The following RPLP1 variants were observed in gnomAD, a reference collection of about 807,000 sequenced individuals.
RPLP1 encodes the protein ribosomal protein lateral stalk subunit P1.
A neutral mutation model predicts 11.6 loss-of-function variants in RPLP1; 4 were observed. The observed-to-expected ratio is 0.34, with a 90% CI of 0.17 to 0.79. RPLP1 has a LOEUF of 0.79. RPLP1 is among the 30% of genes least tolerant of loss of function. The pLI is 0.55. For synonymous variants in RPLP1, 54 were observed against 52.2 expected (o/e 1.03, Z -0.15); for missense variants, 133 against 142.8 (o/e 0.93, Z 0.35).
chr15:69,455,468 G>T lies in RPLP1; in HGVS notation c.306G>T (p.Glu102Asp). 6.2e-7 allele frequency: 1 copy of T among 1,610,998 alleles called. No homozygotes were observed. Residue 102 changes from glutamate (E) to aspartate (D), a missense_variant, in exon 4 of 4, where the codon GAG (glutamate) becomes GAT (aspartate). Transcript: ENST00000260379. ...TGGAAGCAAAGAAAGAAGAATCCGA[G>T]GAGTCTGATGATGACATGGGCTTTG... is the stretch of plus-strand genomic sequence containing the variant. ...KKVEAKKEES[E>D]ESDDDMGFGL...
At chr15:69,453,244 G>C in intron 1 of RPLP1, 1 of 589,492 alleles carries the variant, frequency 1.7e-6, no homozygotes, top group East Asian at 2.9e-5. Flanking sequence ...GAGTGCGCTT[G>C]AGGCTGGGCG....
chr15:69,454,896 T>G (rs1892411481), intron 2 of RPLP1: 1 of 254,502 alleles, frequency 3.9e-6, no homozygotes, highest in Admixed American at 5.4e-5. Context: ...TCCAGGACCT[T>G]CCACTAATAA....
rs1035396938 is a variant in RPLP1 at position 69,453,130 on chromosome 15, A to G, written c.72+110A>G. On this transcript the variant is annotated intron_variant, in intron 1 of 3. Transcript: ENST00000260379. ...CGACTGAGCACTTCCGGCCGGGGCC[A>G]GGCCGCGAACACAGGCCGCATAGGG... 663 of 1,056,014 alleles carry G rather than the reference A, an allele frequency of 6.3e-4. 1 individual carries two copies. Among genetic ancestry groups the G allele is most frequent in the Admixed American group, 1.7e-3 (85 of 49,158 alleles). 65.4% of individuals were successfully genotyped at this position (1,056,014 alleles called of 1,614,324 possible).
rs1371853127 is a variant in RPLP1 at position 69,454,443 on chromosome 15, T to A, written c.147+722T>A. On this transcript the variant is annotated intron_variant, in intron 2 of 3. Coordinates refer to ENST00000260379, the MANE Select transcript of RPLP1 (RefSeq NM_001003.3). ...TACTGTGTGTTGGGATATAAAAGAC[T>A]AATAAAGAGGTTCCTGGTCATGGAG... The A allele has an allele frequency of 1.3e-5, 2 of 152,236 alleles. 1 individual carries two copies. Among genetic ancestry groups the A allele is most frequent in the Non-Finnish European group, 2.9e-5 (2 of 68,068 alleles). 9.4% of individuals were successfully genotyped at this position (152,236 alleles called of 1,614,324 possible). A position where few individuals can be genotyped will look rare whatever the true frequency, so the allele number is the denominator to read the frequency against.
At chr15:69,453,377 C>T (rs374183293) in intron 1 of RPLP1, 4 of 581,574 alleles carry the variant, frequency 6.9e-6, no homozygotes, top group South Asian at 6.3e-5. Flanking sequence ...CCTTGAATTC[C>T]CCCGGTCGTG....
chr15:69,455,101 T>G (rs1340417077), intron 2 of RPLP1, 69 bp from the exon 3 acceptor site: 3 of 1,498,316 alleles, frequency 2.0e-6, no homozygotes, highest in African/African-American at 2.8e-5. Flanking sequence ...ATACTTTTCG[T>G]TTTTGGCTGC....
Position 69,453,623 on chromosome 15 carries a change from G to T in RPLP1, c.73-24G>T, listed in dbSNP as rs1294589357. On this transcript the variant is annotated intron_variant, in intron 1 of 3. Transcript: ENST00000260379. Reference sequence around the variant, plus strand: ...ATATTACATACGCTACGTTTTGATGGATTGACGTTTTTATTTGTTGTAGGA... The same window carrying T: ...ATATTACATACGCTACGTTTTGATGTATTGACGTTTTTATTTGTTGTAGGA... 2.5e-6 allele frequency: 4 copies of T among 1,612,882 alleles called. No individual in the cohort carries two copies. In the African/African-American group the frequency reaches 5.3e-5, roughly 22 times the overall value.
chr15:69,455,136 T>G (rs772283737), intron 2 of RPLP1, 34 bp from the exon 3 acceptor site: 3 of 1,531,142 alleles, frequency 2.0e-6, no homozygotes, highest in Non-Finnish European at 2.6e-6. Flanking sequence ...AGGACAGAAC[T>G]GGGCGTTTAC....
rs1892366726 is a variant in RPLP1 at position 69,452,852 on chromosome 15, CT to C, written c.-95del. ...TCAGCTGCCGCCAAGGTGCTCGGTC[CT>C]TCCGAGGAAGCTAAGGCTGCGTTGG... On this transcript the variant is annotated 5_prime_UTR_variant, in exon 1 of 4. Coordinates refer to ENST00000260379, the MANE Select transcript of RPLP1 (RefSeq NM_001003.3). 8.5e-7 allele frequency: 1 copy of C among 1,175,900 alleles called. No individual in the cohort carries two copies. Among genetic ancestry groups the C allele is most frequent in the Non-Finnish European group, 1.2e-6 (1 of 818,148 alleles). The allele number at this position is 1,175,900 out of a possible 1,614,324, so 72.8% of individuals were successfully genotyped here. A position where few individuals can be genotyped will look rare whatever the true frequency, so the allele number is the denominator to read the frequency against.
At chr15:69,453,046 C>CG in intron 1 of RPLP1, 26 bp downstream of exon 1, 2 of 1,546,944 alleles carry the variant, frequency 1.3e-6, no homozygotes, top group Non-Finnish European at 1.7e-6. Context: ...GGCCGGCGGC[C>CG]GGGCTGCCTG....
At position 69,455,181 on chromosome 15, in the gene RPLP1, C is replaced by A. The variant is rs144572149; in HGVS notation, c.159C>A (p.Asn53Lys). 4 of 1,592,240 alleles carry A rather than the reference C, an allele frequency of 2.5e-6. No homozygotes were observed. In the African/African-American group the frequency reaches 4.1e-5, roughly 16 times the overall value. ...CACATGTATTGCAGGCCCTGGCCAA[C>A]GTCAACATTGGGAGCCTCATCTGCA... Reference protein sequence around the residue: ...WPGLFAKALANVNIGSLICNV... With the variant: ...WPGLFAKALAKVNIGSLICNV... The change falls in exon 3 of 4, where the codon AAC becomes AAA. Residue 53 changes from asparagine to lysine, a missense_variant. By Grantham distance (94) the Asn-to-Lys change is moderately conservative (BLOSUM62 0). Coordinates refer to ENST00000260379, the MANE Select transcript of RPLP1 (RefSeq NM_001003.3).
rs1214665619 is a variant in RPLP1 at position 69,455,453 on chromosome 15, G to C, written c.291G>C (p.Lys97Asn). 3.7e-6 allele frequency: 6 copies of C among 1,611,790 alleles called. No individual in the cohort carries two copies. Among genetic ancestry groups the C allele is most frequent in the Non-Finnish European group, 5.1e-6 (6 of 1,179,668 alleles). ...APAEEKKVEA[K>N]KEESEESDDD... ...CTGAGGAGAAGAAAGTGGAAGCAAA[G>C]AAAGAAGAATCCGAGGAGTCTGATG... The change falls in exon 4 of 4, where the codon AAG (lysine) becomes AAC (asparagine). Residue 97 changes from lysine to asparagine, a missense_variant. Coordinates refer to ENST00000260379, the MANE Select transcript of RPLP1 (RefSeq NM_001003.3).
Position 69,453,572 on chromosome 15 carries a change from A to T in RPLP1, c.73-75A>T, listed in dbSNP as rs938525545. The stretch of plus-strand genomic sequence containing the variant: ...CTGGTTAAACATGTTATGTACACTT[A>T]TTGAGTGACGTGCAGCATTTTGGAG... On this transcript the variant is annotated intron_variant, in intron 1 of 3. Coordinates refer to ENST00000260379, the MANE Select transcript of RPLP1 (RefSeq NM_001003.3). 3.1e-5 allele frequency: 45 copies of T among 1,463,510 alleles called. No homozygotes were observed. The African/African-American group carries it at 6.1e-4, about 20-fold the overall frequency. 90.7% of individuals were successfully genotyped at this position (1,463,510 alleles called of 1,614,324 possible).
At chr15:69,453,267 G>A (rs34291864) in intron 1 of RPLP1, 1 of 583,030 alleles carries the variant, frequency 1.7e-6, no homozygotes, top group South Asian at 2.0e-5. Context: ...CCGGCTCCAA[G>A]AGCCTTCGTG....
intron 1 of RPLP1, 197 bp from the exon 2 acceptor site, chr15:69,453,450 C>T (rs1404593096): frequency 1.6e-6 from 1 of 633,124 alleles, no homozygotes; most frequent in African/African-American, 1.9e-5. Flanking sequence ...AGCCGCGTGA[C>T]TCAGGCAAGT....
chr15:69,453,778 T>G (rs1410612055), intron 2 of RPLP1, 57 bp downstream of exon 2: 10 of 1,582,744 alleles, frequency 6.3e-6, no homozygotes, highest in Non-Finnish European at 8.7e-6. Flanking sequence ...CGAGGGCAGT[T>G]GTACATGCTA....
rs369520431 is a variant in RPLP1, at chr15:69,452,943, C to T, written c.-6C>T. The T allele has an allele frequency of 1.1e-5, 17 of 1,571,244 alleles. No homozygotes were observed. Among genetic ancestry groups the T allele is most frequent in the Non-Finnish European group, 1.4e-5 (16 of 1,160,768 alleles). On this transcript the variant is annotated 5_prime_UTR_variant, in exon 1 of 4. Transcript: ENST00000260379. The stretch of plus-strand genomic sequence containing the variant: ...CGGCAGCGCCAGCCCTACACTCGCC[C>T]GCGCCATGGCCTCTGTCTCCGAGCT...
intron 2 of RPLP1, 184 bp downstream of exon 2, chr15:69,453,905 C>G: frequency 1.7e-6 from 1 of 601,156 alleles, no homozygotes; most frequent in Non-Finnish European, 3.0e-6. Flanking sequence ...CTTACGTTTC[C>G]TTATCAGACT....
At chr15:69,453,055 T>C in intron 1 of RPLP1, 35 bp downstream of exon 1, 1 of 1,534,640 alleles carries the variant, frequency 6.5e-7, no homozygotes, top group Non-Finnish European at 8.8e-7. Flanking sequence ...CCGGGCTGCC[T>C]GTGGGCGGTG....
Sources: gnomAD v4.1 joint callset for allele counts on GRCh38, gnomAD v4.1.1 for gene constraint, MANE v1.5 for transcripts, NCBI Gene and HGNC (gene_info 2026-07-23, HGNC 2026-07-21) for gene names.